Variants in KCNN2 observed in about 807,000 individuals in gnomAD.
KCNN2 encodes the protein potassium calcium-activated channel subfamily N member 2, also known as small conductance calcium-activated potassium channel protein 2.
KCNN2 carries 24 observed loss-of-function variants against 55.5 expected under a neutral mutation model. The ratio of observed to expected loss-of-function variants is 0.43; its 90% confidence interval spans 0.31 to 0.61. KCNN2 has a LOEUF of 0.61. Among genes scored for constraint, KCNN2 ranks in the 20% least tolerant of loss-of-function variants. The probability of loss-of-function intolerance (pLI) is 0.08; values close to 1 mark genes in which losing one functional copy is unlikely to be tolerated. For missense variants in KCNN2, 754 were observed against 853.6 expected (o/e 0.88, Z 1.45); for synonymous variants, 431 against 336.1 (o/e 1.28, Z -3.09).
rs1561603096 is a variant in KCNN2, at chr5:114,390,989, GTAACC to G, written c.1219-13447_1219-13443del. ...GCAGCATAACATGGATTTATTATAC[GTAACC>G]TTAACTATCACTGCATCCTGGTGGA... On this transcript the variant is annotated intron_variant, in intron 2 of 7. Transcript: ENST00000673685. Among the ~76,000 whole-genome samples, 6 of 152,182 alleles carry G rather than the reference GTAACC, an allele frequency of 3.9e-5. No individual in the cohort carries two copies. In the East Asian group the frequency reaches 1.2e-3, roughly 29 times the overall value.
intron 3 of KCNN2, among the ~76,000 whole-genome samples, chr5:114,454,247 A>G (rs1056569151): frequency 1.2e-4 from 18 of 152,098 alleles, no homozygotes; most frequent in Non-Finnish European, 2.6e-4. Context: ...ATCACTCTAC[A>G]TCATCTCAGG....
intron 2 of KCNN2, among the ~76,000 whole-genome samples, chr5:114,307,233 C>A (rs899642044): frequency 6.6e-6 from 1 of 152,188 alleles, no homozygotes; most frequent in Non-Finnish European, 1.5e-5. Flanking sequence ...AGTGGGTTCT[C>A]AGTCTGTGAA....
chr5:114,289,636 C>T (rs943318151), intron 2 of KCNN2, among the ~76,000 whole-genome samples: 9 of 152,104 alleles, frequency 5.9e-5, no homozygotes, highest in Admixed American at 5.2e-4. Context: ...CTTGGCCTTT[C>T]AAAGTGCTGG....
Position 114,318,984 on chromosome 5 carries a change from G to T in KCNN2, c.-184-41961G>T, listed in dbSNP as rs1756559109. 2.8e-5 allele frequency among the ~76,000 whole-genome samples: 3 copies of T among 107,370 alleles called. No homozygotes were observed. In the Admixed American group the frequency reaches 3.3e-4, roughly 12 times the overall value. 70.4% of individuals were successfully genotyped at this position (107,370 alleles called of 152,430 possible). On this transcript the variant is annotated intron_variant, in intron 2 of 10. Transcript: ENST00000512097. Reference sequence around the variant, plus strand: ...CTCAAAGATACTGAGTGAGACATCAGCCATGCCACTCTGCGATTTTATCAT... The same window carrying T: ...CTCAAAGATACTGAGTGAGACATCATCCATGCCACTCTGCGATTTTATCAT...
intron 3 of KCNN2, among the ~76,000 whole-genome samples, chr5:114,422,410 A>G (rs11957910): frequency 0.025 from 3,862 of 152,150 alleles, 161 homozygotes; most frequent in African/African-American, 0.089. Flanking sequence ...TTGTCTGTGA[A>G]CCATGAAATG....
chr5:114,131,951 C>A (rs548815631), intron 1 of KCNN2, among the ~76,000 whole-genome samples: 15 of 152,206 alleles, frequency 9.9e-5, no homozygotes, highest in African/African-American at 3.6e-4. Context: ...TGTTCATGTC[C>A]TTTGCCCACT....
chr5:114,460,476 T>C (rs556055795), intron 3 of KCNN2, among the ~76,000 whole-genome samples: 5 of 152,250 alleles, frequency 3.3e-5, no homozygotes, highest in African/African-American at 9.6e-5. Context: ...ACTCCTGACC[T>C]CAGGAGATCC....
intron 3 of KCNN2, among the ~76,000 whole-genome samples, chr5:114,418,961 A>G (rs945882940): frequency 1.3e-5 from 2 of 152,224 alleles, no homozygotes; most frequent in African/African-American, 4.8e-5. Context: ...ATCTTCAAGT[A>G]ATCACATAAC....
intron 1 of KCNN2, among the ~76,000 whole-genome samples, chr5:114,065,194 A>G (rs1230207514): frequency 2.0e-5 from 3 of 152,168 alleles, no homozygotes; most frequent in African/African-American, 7.2e-5. Context: ...TATCCCTTGG[A>G]GTAGTTCATA....
chr5:114,400,490 A>G (rs930561531), intron 2 of KCNN2, among the ~76,000 whole-genome samples: 5 of 152,230 alleles, frequency 3.3e-5, no homozygotes, highest in African/African-American at 7.2e-5. Context: ...CCTTCAGGCT[A>G]TAAATCAGAT....
chr5:114,225,400 T>C (rs975341638), intron 2 of KCNN2, among the ~76,000 whole-genome samples: 3 of 152,178 alleles, frequency 2.0e-5, no homozygotes, highest in African/African-American at 7.2e-5. Context: ...CTAAGCATTC[T>C]AAGCACATAG....
chr5:114,379,226 C>T (rs542027740), intron 2 of KCNN2, among the ~76,000 whole-genome samples: 8 of 151,986 alleles, frequency 5.3e-5, no homozygotes, highest in East Asian at 1.9e-4. Flanking sequence ...CCTCGCCATC[C>T]GTTTTCTTCT....
intron 2 of KCNN2, among the ~76,000 whole-genome samples, chr5:114,400,400 A>C (rs1072922): frequency 1.3e-5 from 2 of 152,206 alleles, no homozygotes; most frequent in African/African-American, 4.8e-5. Context: ...AATCAAATGC[A>C]GTAGAGCTTC....
chr5:114,417,532 C>T (rs1194314040), intron 3 of KCNN2, among the ~76,000 whole-genome samples: 2 of 152,064 alleles, frequency 1.3e-5, no homozygotes, highest in Admixed American at 6.6e-5. Context: ...CATCATTCAC[C>T]GACTATATCA....
intron 1 of KCNN2, among the ~76,000 whole-genome samples, chr5:114,087,957 T>G (rs1003267906): frequency 2.6e-5 from 4 of 152,128 alleles, no homozygotes; most frequent in African/African-American, 9.6e-5. Flanking sequence ...GTTATAAATC[T>G]CATGTTTCTT....
At chr5:114,267,405 C>T (rs1309855155) in intron 2 of KCNN2, among the ~76,000 whole-genome samples, 2 of 152,142 alleles carry the variant, frequency 1.3e-5, no homozygotes, top group Non-Finnish European at 2.9e-5. Context: ...CTTATGCTCA[C>T]AGAACTGCCC....
chr5:114,245,939 C>T (rs1754741341), intron 2 of KCNN2, among the ~76,000 whole-genome samples: 1 of 152,202 alleles, frequency 6.6e-6, no homozygotes. Context: ...ACAGAATTCA[C>T]ACAGAAGGCC....
intron 6 of KCNN2, chr5:114,490,632 A>G (rs1223560625): frequency 5.0e-6 from 2 of 397,782 alleles, no homozygotes; most frequent in African/African-American, 4.1e-5. Context: ...TTTGTTCCAG[A>G]ATATTTTACA....
intron 1 of KCNN2, among the ~76,000 whole-genome samples, chr5:114,220,643 A>G (rs1580632048): frequency 6.6e-6 from 1 of 152,250 alleles, no homozygotes; most frequent in African/African-American, 2.4e-5. Flanking sequence ...CCTGGCATTG[A>G]AAATTATGGT....
Sources: gnomAD v4.1 joint callset for allele counts (sites outside exome capture counted in the v4.1 genomes callset) on GRCh38, gnomAD v4.1.1 for gene constraint, MANE v1.5 for transcripts, NCBI Gene and HGNC (gene_info 2026-07-23, HGNC 2026-07-21) for gene names.